The following HABP2 variants were observed in gnomAD, a reference collection of about 807,000 sequenced individuals.
The protein encoded by HABP2 is factor VII-activating protease.
In HABP2, 65 loss-of-function variants were observed where a neutral mutation model predicts 66.5. The ratio of observed to expected loss-of-function variants is 0.98; its 90% confidence interval spans 0.80 to 1.20. The LOEUF is 1.20. Ranked by LOEUF, HABP2 falls within the 50% of genes most tolerant of loss-of-function variation. The pLI is 0.00. For synonymous variants in HABP2, 263 were observed against 253.9 expected (o/e 1.04, Z -0.34); for missense variants, 786 against 691.0 (o/e 1.14, Z -1.54).
intron 1 of HABP2, among the ~76,000 whole-genome samples, chr10:113,561,206 G>A (rs1455848555): frequency 1.3e-5 from 2 of 152,152 alleles, no homozygotes; most frequent in Admixed American, 1.3e-4. Context: ...GGTGGGGAGT[G>A]TATACGTCTA....
At position 113,589,151 on chromosome 10, in the gene HABP2, G is replaced by C; in HGVS notation, c.*782G>C. On this transcript the variant is annotated 3_prime_UTR_variant, in exon 13 of 13. Coordinates refer to ENST00000351270, the MANE Select transcript of HABP2 (RefSeq NM_004132.5). ...CCCACTCCCGGCCCCGGTTCCCACA[G>C]GACACGCTAAGAAGCACAGGGAGCA... is the stretch of plus-strand genomic sequence containing the variant. The C allele has an allele frequency of 7.9e-7, 1 of 1,265,762 alleles. No individual in the cohort carries two copies. Among genetic ancestry groups the C allele is most frequent in the Non-Finnish European group, 1.1e-6 (1 of 878,840 alleles). The allele number at this position is 1,265,762 out of a possible 1,614,324, so 78.4% of individuals were successfully genotyped here.
intron 1 of HABP2, among the ~76,000 whole-genome samples, chr10:113,559,758 G>A (rs1045309159): frequency 5.3e-5 from 8 of 152,190 alleles, no homozygotes; most frequent in Non-Finnish European, 1.0e-4. Flanking sequence ...TTCTCTTTCT[G>A]CCCATTGCCC....
intron 11 of HABP2, among the ~76,000 whole-genome samples, chr10:113,585,282 A>C (rs113559034): frequency 1.3e-5 from 2 of 152,300 alleles, no homozygotes; most frequent in African/African-American, 2.4e-5. Flanking sequence ...GGTTAGAATT[A>C]TTTTGCTTTT....
intron 2 of HABP2, among the ~76,000 whole-genome samples, chr10:113,570,479 C>G (rs1845285530): frequency 1.3e-5 from 2 of 152,328 alleles, no homozygotes; most frequent in African/African-American, 4.8e-5. Context: ...TTTCCCAAAG[C>G]TCCTCCCTTT....
chr10:113,580,537 A>G, intron 7 of HABP2, 58 bp from the exon 8 acceptor site: 1 of 897,086 alleles, frequency 1.1e-6, no homozygotes, highest in South Asian at 1.3e-5. Context: ...AGGTTCTTTA[A>G]TAAGATCCAG....
intron 2 of HABP2, among the ~76,000 whole-genome samples, chr10:113,572,073 C>T (rs1013189261): frequency 3.9e-5 from 6 of 152,228 alleles, no homozygotes; most frequent in Non-Finnish European, 7.3e-5. Flanking sequence ...TGCACAGCCA[C>T]CAGCTGGATG....
chr10:113,575,793 T>A (rs1245111261), intron 3 of HABP2, 104 bp from the exon 4 acceptor site: 6 of 694,016 alleles, frequency 8.6e-6, no homozygotes, highest in Non-Finnish European at 1.6e-5. Context: ...CAGTAGTTAC[T>A]CTCTCATTTG....
chr10:113,572,256 T>C (rs1473127673), intron 2 of HABP2, among the ~76,000 whole-genome samples: 1 of 152,226 alleles, frequency 6.6e-6, no homozygotes, highest in Non-Finnish European at 1.5e-5. Flanking sequence ...ACCTTGTTAA[T>C]AGGTCTGGAT....
At chr10:113,552,455 G>A (rs953707365), upstream of HABP2, among the ~76,000 whole-genome samples, 1 of 151,932 alleles carries the variant, frequency 6.6e-6, no homozygotes, top group Admixed American at 6.6e-5. Context: ...TTTTTCCTCC[G>A]CTTGATCAAA....
chr10:113,580,764 C>T (rs1845513469), intron 8 of HABP2, 72 bp downstream of exon 8: 2 of 790,636 alleles, frequency 2.5e-6, no homozygotes, highest in Non-Finnish European at 4.5e-6. Context: ...GTCCCTGGCA[C>T]CTGGTCCCTC....
At chr10:113,564,544 G>A (rs1845161367) in intron 1 of HABP2, among the ~76,000 whole-genome samples, 1 of 152,058 alleles carries the variant, frequency 6.6e-6, no homozygotes, top group African/African-American at 2.4e-5. Context: ...AGGGTGTGGG[G>A]GAGGTGGTTA....
chr10:113,587,624 T>G (rs1592704515), intron 12 of HABP2, among the ~76,000 whole-genome samples: 3 of 152,192 alleles, frequency 2.0e-5, no homozygotes, highest in South Asian at 4.1e-4. Context: ...CCTCAATGTC[T>G]TCTTCTCCTC....
rs1845822800 is a variant in HABP2, at chr10:113,589,600, A to G, written c.*1231A>G. ...TTGGCCAAAAATAAACTTTGAAAAGAAACAATGAGTTTGTCTTTCCCCATG... is the reference window on the plus strand; with the variant it reads ...TTGGCCAAAAATAAACTTTGAAAAGGAACAATGAGTTTGTCTTTCCCCATG... On this transcript the variant is annotated 3_prime_UTR_variant, in exon 13 of 13. Transcript: ENST00000351270. The G allele has an allele frequency of 6.4e-7, 1 of 1,555,018 alleles. No homozygotes were observed. The highest frequency in any genetic ancestry group is 1.4e-5 in the African/African-American group (1 of 70,508).
upstream of HABP2, among the ~76,000 whole-genome samples, chr10:113,552,112 C>T (rs1444842754): frequency 6.6e-6 from 1 of 152,106 alleles, no homozygotes; most frequent in Non-Finnish European, 1.5e-5. Context: ...GTAGATGCAG[C>T]CACTGATGCA....
chr10:113,585,958 G>C lies in HABP2; in HGVS notation c.1518+20G>C, dbSNP rs747116758. 6.2e-6 allele frequency: 10 copies of C among 1,610,626 alleles called. No homozygotes were observed. The African/African-American group carries it at 1.2e-4, about 19-fold the overall frequency. On this transcript the variant is annotated intron_variant, in intron 12 of 12. Transcript: ENST00000351270. ...TGCCAGGTCAGAGACTCCAAGTGGTGCTTGTGGTAGGAGAGGCTAGCAGGA... is the reference window on the plus strand; with the variant it reads ...TGCCAGGTCAGAGACTCCAAGTGGTCCTTGTGGTAGGAGAGGCTAGCAGGA...
At chr10:113,552,778 G>T (rs1417740172), upstream of HABP2, among the ~76,000 whole-genome samples, 1 of 152,114 alleles carries the variant, frequency 6.6e-6, no homozygotes, top group Admixed American at 6.5e-5. Flanking sequence ...TTATCCTGAG[G>T]CTGGGATGCT....
rs371716790 is a variant in HABP2, at chr10:113,583,347, A to G, written c.1226A>G (p.His409Arg). The G allele has an allele frequency of 1.2e-6, 2 of 1,612,902 alleles. No individual in the cohort carries two copies. Among genetic ancestry groups the G allele is most frequent in the African/African-American group, 2.7e-5 (2 of 74,904 alleles). The stretch of plus-strand genomic sequence containing the variant: ...TACAATGAAAGAGATGAGATTCCCC[A>G]CAATGATATTGGCAAGTTCCTCTTT... ...SHYNERDEIPHNDIALLKLKP... is the reference protein window; with the variant it reads ...SHYNERDEIPRNDIALLKLKP... The change falls in exon 10 of 13, where the codon CAC becomes CGC. Residue 409 changes from histidine (H) to arginine (R), a missense_variant. His to Arg is a conservative substitution (Grantham distance 29). Coordinates refer to ENST00000351270, the MANE Select transcript of HABP2 (RefSeq NM_004132.5).
intron 1 of HABP2, among the ~76,000 whole-genome samples, chr10:113,564,740 G>A (rs7088038): frequency 0.59 from 89,058 of 152,074 alleles, 27,591 homozygotes; most frequent in African/African-American, 0.76. Flanking sequence ...ATGTCGTTAT[G>A]GTTGCTGTGT....
chr10:113,582,269 A>T (rs1050758342), intron 9 of HABP2, 138 bp downstream of exon 9: 6 of 749,984 alleles, frequency 8.0e-6, no homozygotes, highest in Non-Finnish European at 1.2e-5. Context: ...AGGGCTCCTG[A>T]AAGCCAGAGG....
Sources: gnomAD v4.1 joint callset for allele counts (sites outside exome capture counted in the v4.1 genomes callset) on GRCh38, gnomAD v4.1.1 for gene constraint, MANE v1.5 for transcripts, NCBI Gene and HGNC (gene_info 2026-07-23, HGNC 2026-07-21) for gene names.